Variants in FMNL2 observed in about 807,000 individuals in gnomAD.
FMNL2 encodes formin like 2.
FMNL2 carries 51 observed loss-of-function variants against 130.2 expected under a neutral mutation model. The ratio of observed to expected loss-of-function variants is 0.39; its 90% CI spans 0.31 to 0.49. The LOEUF is 0.49. Among genes scored for constraint, FMNL2 ranks in the 20% least tolerant of loss-of-function variants. The pLI, the probability that FMNL2 is intolerant of heterozygous loss-of-function variation, is 0.85. For missense variants in FMNL2, 977 were observed against 1,316.2 expected (o/e 0.74, Z 3.99); for synonymous variants, 465 against 467.1 (o/e 1.00, Z 0.06).
At chr2:152,599,405 C>CTTTTTTTTTTTTTTT (rs35753197) in intron 9 of FMNL2, among the ~76,000 whole-genome samples, 2 of 45,086 alleles carry the variant, frequency 4.4e-5, no homozygotes, top group Non-Finnish European at 8.1e-5. Context: ...TGAAGGTCAT[C>CTTTTTTTTTTTTTTT]TTTTTTTTTT....
chr2:152,607,620 G>A (rs1378537651), intron 10 of FMNL2: 8 of 449,966 alleles, frequency 1.8e-5, no homozygotes, highest in South Asian at 1.1e-4. Flanking sequence ...TTACATACAC[G>A]GTATAGTAAA....
At chr2:152,470,876 G>T (rs1689822654) in intron 1 of FMNL2, among the ~76,000 whole-genome samples, 1 of 152,174 alleles carries the variant, frequency 6.6e-6, no homozygotes, top group Non-Finnish European at 1.5e-5. Flanking sequence ...GATTAAATAT[G>T]GTTCTCATTT....
Position 152,632,092 on chromosome 2 carries a change from TC to T in FMNL2, c.2638del (p.Leu880CysfsTer33). On this transcript the variant is annotated frameshift_variant, in exon 21 of 26. Coordinates refer to ENST00000288670, the MANE Select transcript of FMNL2 (RefSeq NM_052905.4). LOFTEE classifies it high-confidence loss of function. ...GGTGAAAGAAAAATATCACCAAGTG[TC>T]CCTGTTTTATAATGAGCTTCATTAT... ...NVVKEKYHQV[S>X]LFYNELHYVE... is the part of the protein sequence containing the mutation. The T allele has an allele frequency of 6.2e-7, 1 of 1,613,284 alleles. No individual in the cohort carries two copies. The highest frequency in any genetic ancestry group is 8.5e-7 in the Non-Finnish European group (1 of 1,179,550).
intron 6 of FMNL2, among the ~76,000 whole-genome samples, chr2:152,570,831 A>G (rs893251418): frequency 3.7e-5 from 5 of 135,052 alleles, no homozygotes; most frequent in African/African-American, 1.4e-4. Context: ...AATGTCTGTT[A>G]TGGAATGCTG....
intron 1 of FMNL2, among the ~76,000 whole-genome samples, chr2:152,363,337 G>T (rs1207506076): frequency 6.6e-6 from 1 of 152,146 alleles, no homozygotes; most frequent in African/African-American, 2.4e-5. Context: ...AACTCCTTAT[G>T]TGTTGTTAGT....
chr2:152,437,240 C>CA (rs1687816555), intron 1 of FMNL2, among the ~76,000 whole-genome samples: 1 of 152,114 alleles, frequency 6.6e-6, no homozygotes, highest in African/African-American at 2.4e-5. Context: ...GGAAGAGGGA[C>CA]AAAAACATTC....
At chr2:152,464,925 C>T (rs1489534356) in intron 1 of FMNL2, among the ~76,000 whole-genome samples, 1 of 152,088 alleles carries the variant, frequency 6.6e-6, no homozygotes, top group Admixed American at 6.5e-5. Flanking sequence ...GGGGAGATGA[C>T]CTGATTGCTA....
In FMNL2 at chr2:152,619,524, T is replaced by TAACA. The variant is rs1699124050; in HGVS notation, c.1644_1647dup (p.Pro550AsnfsTer32). 1 of 1,545,328 alleles carries TAACA rather than the reference T, an allele frequency of 6.5e-7. No homozygotes were observed. The highest frequency in any genetic ancestry group is 8.7e-7 in the Non-Finnish European group (1 of 1,144,790). On this transcript the variant is annotated frameshift_variant, in exon 15 of 26. Coordinates refer to ENST00000288670, the MANE Select transcript of FMNL2 (RefSeq NM_052905.4). LOFTEE classifies it high-confidence loss of function. Reference sequence around the variant, plus strand: ...TCTTTGCTAGTGCAAAATGGTCCAGTAACACCACCTATGCCACCGCCGCCG... The same window carrying TAACA: ...TCTTTGCTAGTGCAAAATGGTCCAGTAACAAACACCACCTATGCCACCGCCGCCG...
At chr2:152,536,984 A>G (rs1357726251) in intron 2 of FMNL2, among the ~76,000 whole-genome samples, 7 of 152,224 alleles carry the variant, frequency 4.6e-5, no homozygotes, top group Non-Finnish European at 8.8e-5. Flanking sequence ...GCTAAGCTAG[A>G]TGAGTGGAAT....
Position 152,648,174 on chromosome 2 carries a change from C to A in FMNL2, c.*269C>A. 1 of 377,954 alleles carries A rather than the reference C, an allele frequency of 2.6e-6. No homozygotes were observed. The highest frequency in any genetic ancestry group is 4.7e-6 in the Non-Finnish European group (1 of 211,248). The allele number at this position is 377,954 out of a possible 1,614,324, so 23.4% of individuals were successfully genotyped here. ...TTTTACACCAGTATGTTATTTTTAA[C>A]CAAAATGTAAAGTTCTTATTAAACT... On this transcript the variant is annotated 3_prime_UTR_variant, in exon 26 of 26. Coordinates refer to ENST00000288670, the MANE Select transcript of FMNL2 (RefSeq NM_052905.4).
At chr2:152,361,360 CT>C in intron 1 of FMNL2, among the ~76,000 whole-genome samples, 1 of 152,198 alleles carries the variant, frequency 6.6e-6, no homozygotes, top group Middle Eastern at 3.4e-3. Context: ...ACAGGGCAGC[CT>C]TTTGGGGTGT....
intron 1 of FMNL2, among the ~76,000 whole-genome samples, chr2:152,462,910 CTTGGA>C: frequency 6.6e-6 from 1 of 152,226 alleles, no homozygotes; most frequent in East Asian, 1.9e-4. Context: ...AGCCCTTGTG[CTTGGA>C]TTTATAAAGA....
chr2:152,483,628 C>T (rs991398194), intron 1 of FMNL2, among the ~76,000 whole-genome samples: 6 of 152,194 alleles, frequency 3.9e-5, no homozygotes, highest in Non-Finnish European at 1.5e-5. Context: ...GCCCTCCTTC[C>T]CTGATGCTAA....
At chr2:152,522,634 C>A (rs12619706) in intron 2 of FMNL2, among the ~76,000 whole-genome samples, 85,089 of 151,836 alleles carry the variant, frequency 0.56, 24,423 homozygotes, top group Non-Finnish European at 0.63. Flanking sequence ...CATAAGGGGG[C>A]GTTTCCCTGC....
intron 25 of FMNL2, among the ~76,000 whole-genome samples, chr2:152,644,914 T>G (rs546787528): frequency 1.3e-5 from 2 of 152,350 alleles, no homozygotes; most frequent in South Asian, 4.1e-4. Flanking sequence ...TTCTCTCCAG[T>G]GTCTAGTTGA....
chr2:152,338,677 C>A (rs1207309384), intron 1 of FMNL2, among the ~76,000 whole-genome samples: 1 of 152,094 alleles, frequency 6.6e-6, no homozygotes, highest in African/African-American at 2.4e-5. Flanking sequence ...GGAGTTTAAT[C>A]CTCCCAAGGA....
At chr2:152,646,370 T>C (rs1349852008) in intron 25 of FMNL2, among the ~76,000 whole-genome samples, 1 of 148,210 alleles carries the variant, frequency 6.7e-6, no homozygotes, top group Non-Finnish European at 1.5e-5. Flanking sequence ...TAGGGCAGGG[T>C]CACACAAATT....
intron 9 of FMNL2, among the ~76,000 whole-genome samples, chr2:152,599,405 C>CTTTTTTTTTTTTTT (rs35753197): frequency 4.4e-5 from 2 of 45,086 alleles, no homozygotes; most frequent in African/African-American, 1.5e-4. Context: ...TGAAGGTCAT[C>CTTTTTTTTTTTTTT]TTTTTTTTTT....
chr2:152,395,394 A>G (rs1028175624), intron 1 of FMNL2, among the ~76,000 whole-genome samples: 1 of 152,252 alleles, frequency 6.6e-6, no homozygotes, highest in Admixed American at 6.5e-5. Context: ...GAAAAACTTC[A>G]TTCCAAGGGA....
Sources: allele counts gnomAD v4.1 joint callset (sites outside exome capture counted in the v4.1 genomes callset), GRCh38; gene constraint gnomAD v4.1.1; transcripts MANE v1.5; gene names NCBI Gene and HGNC (gene_info 2026-07-23, HGNC 2026-07-21).